The following IQGAP2 variants were observed in gnomAD, a reference collection of about 807,000 sequenced individuals.
IQGAP2 encodes the protein IQ motif containing GTPase activating protein 2.
Under a neutral mutation model 201.3 loss-of-function variants are expected in IQGAP2, and 173 were observed. That is an observed-to-expected ratio of 0.86 (90% CI 0.76 to 0.98). The LOEUF (loss-of-function observed/expected upper bound fraction) is 0.98, where lower values mean the gene tolerates loss of function less well. IQGAP2 is among the 50% of genes least tolerant of loss of function. IQGAP2 has a pLI of 0.00. For synonymous variants in IQGAP2, 675 were observed against 673.9 expected (o/e 1.00, Z -0.03); for missense variants, 1,687 against 1,864.8 (o/e 0.90, Z 1.76).
At chr5:76,674,073 T>C in intron 26 of IQGAP2, 37 bp downstream of exon 26, 1 of 1,141,140 alleles carries the variant, frequency 8.8e-7, no homozygotes. Flanking sequence ...TAGCTTCTCC[T>C]GGGGGTATGA....
At chr5:76,450,735 G>T (rs35893266) in intron 1 of IQGAP2, among the ~76,000 whole-genome samples, 26,822 of 152,114 alleles carry the variant, frequency 0.18, 3,066 homozygotes, top group Middle Eastern at 0.26. Context: ...TAAATGTGTG[G>T]ACCTGAGCTG....
chr5:76,466,384 A>G (rs889968091), intron 2 of IQGAP2, among the ~76,000 whole-genome samples: 1 of 152,208 alleles, frequency 6.6e-6, no homozygotes, highest in African/African-American at 2.4e-5. Context: ...GGAATGCAGA[A>G]TAGTCAAAAG....
chr5:76,576,187 CAATTCTT>C (rs1745461211), intron 5 of IQGAP2, among the ~76,000 whole-genome samples: 1 of 139,422 alleles, frequency 7.2e-6, no homozygotes, highest in Non-Finnish European at 1.5e-5. Flanking sequence ...TAATTTAGTT[CAATTCTT>C]ACAAATTAAG....
Position 76,413,156 on chromosome 5 carries a change from C to CTTTTTTTTT in IQGAP2, c.46+9587_46+9595dup, listed in dbSNP as rs567410789. Among the ~76,000 whole-genome samples, 20 of 83,684 alleles carry CTTTTTTTTT rather than the reference C, an allele frequency of 2.4e-4. 1 individual carries two copies. Among genetic ancestry groups the CTTTTTTTTT allele is most frequent in the Non-Finnish European group, 2.8e-4 (13 of 46,210 alleles). The allele number at this position is 83,684 out of a possible 152,430, so 54.9% of individuals were successfully genotyped here. ...TATTTTCTTTTTTCTTTTCTTTTCT[C>CTTTTTTTTT]TTTTTTTTTTTTTTTTTTTTTTTTT... On this transcript the variant is annotated intron_variant, in intron 1 of 35. Coordinates refer to ENST00000274364, the MANE Select transcript of IQGAP2 (RefSeq NM_006633.5).
chr5:76,590,974 G>A (rs954335414), intron 8 of IQGAP2, among the ~76,000 whole-genome samples: 3 of 152,094 alleles, frequency 2.0e-5, no homozygotes, highest in Non-Finnish European at 4.4e-5. Flanking sequence ...GTGCAAGCCT[G>A]TAGTCCCAAC....
chr5:76,603,815 T>A (rs1293844722), intron 11 of IQGAP2, among the ~76,000 whole-genome samples: 1 of 152,090 alleles, frequency 6.6e-6, no homozygotes, highest in Admixed American at 6.5e-5. Context: ...TCCTTACTAG[T>A]CTGTCCATAG....
At chr5:76,528,549 A>G (rs188431605) in intron 2 of IQGAP2, among the ~76,000 whole-genome samples, 79 of 152,242 alleles carry the variant, frequency 5.2e-4, no homozygotes, top group Admixed American at 3.3e-3. Flanking sequence ...TCCTTTTTTC[A>G]AAGTTGATCC....
chr5:76,617,951 G>T (rs746156972), intron 13 of IQGAP2: 4 of 1,613,958 alleles, frequency 2.5e-6, no homozygotes, highest in South Asian at 1.1e-5. Flanking sequence ...ATGAGGACTC[G>T]CAAGTGTTGT....
intron 34 of IQGAP2, among the ~76,000 whole-genome samples, chr5:76,702,099 G>C (rs1029809721): frequency 1.3e-5 from 2 of 152,234 alleles, no homozygotes; most frequent in Middle Eastern, 3.2e-3. Flanking sequence ...GTGAGCGACT[G>C]CGCCTGGCCT....
At chr5:76,419,601 G>A (rs1751611254) in intron 1 of IQGAP2, among the ~76,000 whole-genome samples, 1 of 151,916 alleles carries the variant, frequency 6.6e-6, no homozygotes, top group Admixed American at 6.6e-5. Flanking sequence ...GCCTCCTAAA[G>A]TGCTGAGATT....
chr5:76,438,951 G>A (rs58493390), intron 1 of IQGAP2, among the ~76,000 whole-genome samples: 14,374 of 151,736 alleles, frequency 0.095, 1,756 homozygotes, highest in African/African-American at 0.29. Flanking sequence ...GTGTTTGTTC[G>A]TGTTTCTGTA....
chr5:76,529,812 T>TTCC (rs1273384240), intron 2 of IQGAP2, among the ~76,000 whole-genome samples: 12 of 152,244 alleles, frequency 7.9e-5, no homozygotes, highest in African/African-American at 2.9e-4. Context: ...TAGAATTATG[T>TTCC]ATTTATCAGG....
intron 2 of IQGAP2, among the ~76,000 whole-genome samples, chr5:76,482,817 C>A (rs4326119): frequency 0.67 from 102,456 of 152,066 alleles, 35,252 homozygotes; most frequent in Middle Eastern, 0.8. Flanking sequence ...TTGTTCTTCT[C>A]AAACAATGTA....
At chr5:76,623,513 T>C in intron 13 of IQGAP2, 2 of 398,276 alleles carry the variant, frequency 5.0e-6, no homozygotes, top group South Asian at 4.7e-5. Context: ...CAACAATCTA[T>C]TCTGAATAGG....
intron 2 of IQGAP2, among the ~76,000 whole-genome samples, chr5:76,480,516 C>T (rs1031647398): frequency 6.6e-6 from 1 of 152,168 alleles, no homozygotes; most frequent in Non-Finnish European, 1.5e-5. Context: ...TCTGAACGCC[C>T]CTAGCACTTA....
At chr5:76,517,054 A>C (rs1262475423) in intron 2 of IQGAP2, among the ~76,000 whole-genome samples, 1 of 152,178 alleles carries the variant, frequency 6.6e-6, no homozygotes, top group Admixed American at 6.5e-5. Context: ...CTATCAAAAG[A>C]AAACCAGGAG....
rs535395560 is a variant in IQGAP2 at position 76,608,893 on chromosome 5, A to G, written c.1358-2127A>G. On this transcript the variant is annotated intron_variant, in intron 12 of 35. Coordinates refer to ENST00000274364, the MANE Select transcript of IQGAP2 (RefSeq NM_006633.5). ...CTGCCTCAAATACATGAACTCTAAA[A>G]GAACGCCCACTCTCTTGTGGACTAG... 4.2e-5 allele frequency: 20 copies of G among 472,412 alleles called. No homozygotes were observed. The East Asian group carries it at 5.9e-4, about 14-fold the overall frequency. 29.3% of individuals were successfully genotyped at this position (472,412 alleles called of 1,614,324 possible). A position where few individuals can be genotyped will look rare whatever the true frequency, so the allele number is the denominator to read the frequency against.
At chr5:76,541,344 T>A (rs1035615664) in intron 2 of IQGAP2, among the ~76,000 whole-genome samples, 2 of 152,236 alleles carry the variant, frequency 1.3e-5, no homozygotes, top group Non-Finnish European at 2.9e-5. Context: ...TTTCATCGTG[T>A]GGCATTTATC....
intron 2 of IQGAP2, among the ~76,000 whole-genome samples, chr5:76,503,678 G>A (rs544493728): frequency 7.3e-5 from 11 of 151,534 alleles, no homozygotes; most frequent in African/African-American, 9.7e-5. Context: ...TGCAATCTCC[G>A]CCTCTTGGGT....
Sources: allele counts gnomAD v4.1 joint callset (sites outside exome capture counted in the v4.1 genomes callset), GRCh38; gene constraint gnomAD v4.1.1; transcripts MANE v1.5; gene names NCBI Gene and HGNC (gene_info 2026-07-23, HGNC 2026-07-21).